The following ZNF469 variants were observed in gnomAD, a reference collection of about 807,000 sequenced individuals.
ZNF469 encodes zinc finger protein 469.
ZNF469 carries 1 observed loss-of-function variant against 1.0 expected under a neutral mutation model. The observed-to-expected ratio is 1.00, with a 90% CI of 0.35 to 4.73. The LOEUF is 4.73. Ranked by LOEUF, ZNF469 falls within the 30% of genes most tolerant of loss-of-function variation. The pLI, the probability that ZNF469 is intolerant of heterozygous loss-of-function variation, is 0.16. For synonymous variants in ZNF469, 2,703 were observed against 2,363.4 expected, an observed-to-expected ratio of 1.14 and a Z score of -4.17; for missense variants, 6,100 against 5,356.3, an observed-to-expected ratio of 1.14 and a Z score of -4.33.
chr16:88,367,906 C>CCAGCAT, the ZNF469 span, among the ~76,000 whole-genome samples: 1 of 152,224 alleles, frequency 6.6e-6, no homozygotes, highest in Admixed American at 6.5e-5. Context: ...TGAACCTGGG[C>CCAGCAT]CAGCATCAGC....
chr16:88,244,947 A>G, the ZNF469 span, among the ~76,000 whole-genome samples: 1 of 151,952 alleles, frequency 6.6e-6, no homozygotes, highest in African/African-American at 2.4e-5. Flanking sequence ...TGGGACACCA[A>G]TATATCACTG....
At chr16:88,199,488 T>C in the ZNF469 span, among the ~76,000 whole-genome samples, 1 of 152,222 alleles carries the variant, frequency 6.6e-6, no homozygotes, top group Non-Finnish European at 1.5e-5. Context: ...CCTGTGGATC[T>C]GAGGACTCTG....
chr16:88,399,960 G>T (rs548146798), intron 1 of ZNF469, among the ~76,000 whole-genome samples: 1 of 152,252 alleles, frequency 6.6e-6, no homozygotes, highest in Admixed American at 6.5e-5. Flanking sequence ...ATCCCACGCG[G>T]GTCACTCCAC....
the ZNF469 span, among the ~76,000 whole-genome samples, chr16:88,139,767 G>T: frequency 6.6e-6 from 1 of 152,206 alleles, no homozygotes; most frequent in Non-Finnish European, 1.5e-5. Flanking sequence ...GAGGAAAGAA[G>T]TTTCCCATAA....
the ZNF469 span, among the ~76,000 whole-genome samples, chr16:88,117,842 G>A: frequency 2.6e-5 from 4 of 152,220 alleles, no homozygotes; most frequent in Admixed American, 6.5e-5. Flanking sequence ...GTGGGAGGCC[G>A]CCGTGTCGTC....
the ZNF469 span, among the ~76,000 whole-genome samples, chr16:88,144,023 G>A: frequency 6.9e-6 from 1 of 144,626 alleles, no homozygotes. Context: ...AGGCGCAGGG[G>A]AAACGGCGCA....
chr16:88,269,239 C>T, the ZNF469 span, among the ~76,000 whole-genome samples: 5 of 152,206 alleles, frequency 3.3e-5, no homozygotes, highest in South Asian at 4.2e-4. Flanking sequence ...AATTTCTCTG[C>T]GCCTTAGCTT....
At chr16:88,318,179 C>A in the ZNF469 span, among the ~76,000 whole-genome samples, 1 of 152,242 alleles carries the variant, frequency 6.6e-6, no homozygotes, top group Non-Finnish European at 1.5e-5. Flanking sequence ...GATCTTCGGG[C>A]CCAGCCTGGG....
the ZNF469 span, among the ~76,000 whole-genome samples, chr16:88,280,380 A>T: frequency 6.6e-6 from 1 of 151,644 alleles, no homozygotes. Context: ...TGGTGCACAG[A>T]TCAGTGCTGT....
chr16:88,184,551 C>T, the ZNF469 span, among the ~76,000 whole-genome samples: 28 of 151,994 alleles, frequency 1.8e-4, no homozygotes, highest in African/African-American at 5.6e-4. Context: ...TGCCTCCCGC[C>T]GGCTGTGGCT....
At chr16:88,341,087 A>T in the ZNF469 span, among the ~76,000 whole-genome samples, 1 of 152,180 alleles carries the variant, frequency 6.6e-6, no homozygotes, top group Non-Finnish European at 1.5e-5. Context: ...CTCTCCTGTG[A>T]AGGTCCAGTA....
chr16:88,386,481 T>G (rs2092537031), intron 1 of ZNF469, among the ~76,000 whole-genome samples: 1 of 152,038 alleles, frequency 6.6e-6, no homozygotes, highest in African/African-American at 2.4e-5. Flanking sequence ...TCACGCATCC[T>G]GCATCCCACC....
the ZNF469 span, among the ~76,000 whole-genome samples, chr16:88,339,089 G>A: frequency 3.3e-5 from 5 of 149,776 alleles, no homozygotes; most frequent in African/African-American, 1.2e-4. Context: ...CCTGAGCAGA[G>A]AAGTCACTCA....
the ZNF469 span, among the ~76,000 whole-genome samples, chr16:88,211,562 C>T: frequency 1.3e-5 from 2 of 151,910 alleles, no homozygotes; most frequent in East Asian, 1.9e-4. Context: ...TGGGCTCTGT[C>T]ATGTTTCTCT....
In ZNF469 at chr16:88,433,495, C is replaced by T. The variant is rs1022139293; in HGVS notation, c.6025C>T (p.Pro2009Ser). The T allele has an allele frequency of 9.0e-6, 14 of 1,550,246 alleles. No homozygotes were observed. The Admixed American group carries it at 1.2e-4, about 13-fold the overall frequency. ...GCTTCAGCCAGAGAACGGGGTGAGCCCAGGGGGCACGGACAACCACGCCTC... is the reference window on the plus strand; with the variant it reads ...GCTTCAGCCAGAGAACGGGGTGAGCTCAGGGGGCACGGACAACCACGCCTC... ...NQLQPENGVS[P>S]GGTDNHASVN... is the part of the protein sequence containing the mutation. Residue 2009 changes from proline (P) to serine (S), a missense_variant, in exon 3 of 3, where the codon CCA (proline) becomes TCA (serine). Physicochemically the swap from Pro to Ser is moderately conservative, Grantham distance 74. Transcript: ENST00000565624.
At chr16:88,103,587 A>G in the ZNF469 span, among the ~76,000 whole-genome samples, 660 of 152,244 alleles carry the variant, frequency 4.3e-3, 3 homozygotes, top group African/African-American at 0.015. Flanking sequence ...TCAGGAGAGT[A>G]GGGGTTCCTA....
intron 1 of ZNF469, among the ~76,000 whole-genome samples, chr16:88,393,478 G>T (rs1904546348): frequency 6.6e-6 from 1 of 152,242 alleles, no homozygotes; most frequent in South Asian, 2.1e-4. Flanking sequence ...GCACCCAGGG[G>T]GGCCTGCCGT....
chr16:88,420,742 G>A (rs185858332), intron 1 of ZNF469, among the ~76,000 whole-genome samples: 4 of 152,344 alleles, frequency 2.6e-5, no homozygotes, highest in East Asian at 1.9e-4. Context: ...GGTGGCTTGC[G>A]TTGTTCTGTT....
At chr16:88,326,647 G>C in the ZNF469 span, among the ~76,000 whole-genome samples, 32,009 of 152,038 alleles carry the variant, frequency 0.21, 4,201 homozygotes, top group African/African-American at 0.38. Context: ...AGTGCCTGAC[G>C]CAGGCACTCA....
Sources: allele counts gnomAD v4.1 joint callset (sites outside exome capture counted in the v4.1 genomes callset), GRCh38; gene constraint gnomAD v4.1.1; transcripts MANE v1.5; gene names NCBI Gene and HGNC (gene_info 2026-07-23, HGNC 2026-07-21).